ABCG8: variants seen among roughly 807,000 people sequenced by gnomAD.
ABCG8 encodes ATP-binding cassette sub-family G member 8.
In ABCG8, 81 loss-of-function variants were observed where a neutral mutation model predicts 71.3. The observed-to-expected ratio is 1.14, with a 90% CI of 0.95 to 1.37. The LOEUF (loss-of-function observed/expected upper bound fraction) is 1.37. Ranked by LOEUF, ABCG8 falls within the 40% of genes most tolerant of loss-of-function variation. ABCG8 has a pLI of 0.00. For synonymous variants in ABCG8, 451 were observed against 354.7 expected (o/e 1.27, Z -3.05); for missense variants, 1,119 against 866.2 (o/e 1.29, Z -3.66).
chr2:43,882,466 G>A lies in ABCG8; in HGVS notation c.*4553G>A, dbSNP rs1382906723. On this transcript the variant is annotated 3_prime_UTR_variant, in exon 13 of 13. Coordinates refer to ENST00000272286, the MANE Select transcript of ABCG8 (RefSeq NM_022437.3). ...GGAAGCGTGCAAGGAACTGGAATGC[G>A]GGGAAAGTGATGAAATATTTTGTTG... is the stretch of plus-strand genomic sequence containing the variant. 5.3e-5 allele frequency: 8 copies of A among 152,232 alleles called. No homozygotes were observed. The highest frequency in any genetic ancestry group is 2.1e-4 in the South Asian group (1 of 4,836). The allele number at this position is 152,232 out of a possible 1,614,324, so 9.4% of individuals were successfully genotyped here. A position where few individuals can be genotyped will look rare whatever the true frequency, so the allele number is the denominator to read the frequency against.
intron 6 of ABCG8, among the ~76,000 whole-genome samples, chr2:43,860,246 A>C (rs897543549): frequency 1.4e-5 from 2 of 148,048 alleles, no homozygotes; most frequent in Non-Finnish European, 3.0e-5. Flanking sequence ...AATTCTCATG[A>C]TCTGGATAGA....
rs774038687 is a variant in ABCG8, at chr2:43,873,911, A to C, written c.1336A>C (p.Met446Leu). ...CCATGGGAGCATCCAGCTCTCCTTC[A>C]TGGATACAGCCGCCCTCTTGTTCAT... ...FGHGSIQLSF[M>L]DTAALLFMIG... Residue 446 changes from methionine to leucine, a missense_variant, in exon 9 of 13, where the codon ATG becomes CTG. Transcript: ENST00000272286. The C allele has an allele frequency of 6.2e-7, 1 of 1,613,906 alleles. No individual in the cohort carries two copies. The highest frequency in any genetic ancestry group is 1.7e-5 in the Admixed American group (1 of 59,986).
At chr2:43,869,397 C>A (rs946452036) in intron 6 of ABCG8, among the ~76,000 whole-genome samples, 4 of 151,476 alleles carry the variant, frequency 2.6e-5, no homozygotes, top group South Asian at 4.2e-4. Context: ...CTGGATAGAA[C>A]TCTTACTGTC....
chr2:43,852,969 C>A, intron 6 of ABCG8, 101 bp downstream of exon 6: 1 of 1,362,012 alleles, frequency 7.3e-7, no homozygotes. Context: ...GAGAAACTCC[C>A]AGAGGTTTCA....
In ABCG8 at chr2:43,880,869, C is replaced by G. The variant is rs187012431; in HGVS notation, c.*2956C>G. 1 of 152,066 alleles carries G rather than the reference C, an allele frequency of 6.6e-6. No individual in the cohort carries two copies. Among genetic ancestry groups the G allele is most frequent in the Non-Finnish European group, 1.5e-5 (1 of 67,958 alleles). The allele number at this position is 152,066 out of a possible 1,614,324, so 9.4% of individuals were successfully genotyped here. The stretch of plus-strand genomic sequence containing the variant: ...GGTAAGTAATCTCCCATCTACACTG[C>G]CACGCCTTCTCCTGTATGGACGTCC... On this transcript the variant is annotated 3_prime_UTR_variant, in exon 13 of 13. Transcript: ENST00000272286.
rs778124555 is a variant in ABCG8 at position 43,844,456 on chromosome 2, A to G, written c.64-51A>G. On this transcript the variant is annotated intron_variant, in intron 1 of 12. Coordinates refer to ENST00000272286, the MANE Select transcript of ABCG8 (RefSeq NM_022437.3). Reference sequence around the variant, plus strand: ...GTTGGTTTCCTTCTTGTCTTCTCCTATGTTCTCAGCAGCTTCTAAAGGAGC... The same window carrying G: ...GTTGGTTTCCTTCTTGTCTTCTCCTGTGTTCTCAGCAGCTTCTAAAGGAGC... 32 of 1,462,974 alleles carry G rather than the reference A, an allele frequency of 2.2e-5. 1 individual carries two copies. The South Asian group carries it at 3.1e-4, about 14-fold the overall frequency. 90.6% of individuals were successfully genotyped at this position (1,462,974 alleles called of 1,614,324 possible).
intron 1 of ABCG8, among the ~76,000 whole-genome samples, chr2:43,843,496 A>G (rs1184826935): frequency 6.6e-6 from 1 of 152,050 alleles, no homozygotes; most frequent in African/African-American, 2.4e-5. Context: ...TGAGACCAAC[A>G]TGGTGAAACC....
chr2:43,878,092 C>A lies in ABCG8; in HGVS notation c.*179C>A. On this transcript the variant is annotated 3_prime_UTR_variant, in exon 13 of 13. Transcript: ENST00000272286. The stretch of plus-strand genomic sequence containing the variant: ...CCACAGGATGGCAGTAGAATAAAGA[C>A]AGTCGAAAGGGATTTCTGCTCACTG... The A allele has an allele frequency of 1.1e-6, 1 of 875,832 alleles. No homozygotes were observed. Among genetic ancestry groups the A allele is most frequent in the Non-Finnish European group, 1.8e-6 (1 of 556,372 alleles). The allele number at this position is 875,832 out of a possible 1,614,324, so 54.3% of individuals were successfully genotyped here.
At chr2:43,852,255 C>A in intron 4 of ABCG8, 99 bp from the exon 5 acceptor site, 1 of 1,562,334 alleles carries the variant, frequency 6.4e-7, no homozygotes, top group Non-Finnish European at 8.7e-7. Context: ...CACTTTCAAA[C>A]CCAGCCGGAG....
rs1313845575 is a variant in ABCG8, at chr2:43,874,443, A to G, written c.1448A>G (p.Glu483Gly). Residue 483 changes from glutamate (E) to glycine (G), a missense_variant, in exon 10 of 13, where the codon GAA becomes GGA. By Grantham distance (98) the Glu-to-Gly change is moderately conservative. Transcript: ENST00000272286. The stretch of plus-strand genomic sequence containing the variant: ...AGGGCAATGCTTTACTATGAACTGG[A>G]AGACGGGCTGTACACCACTGGTCCA... Reference protein sequence around the residue: ...SERAMLYYELEDGLYTTGPYF... With the variant: ...SERAMLYYELGDGLYTTGPYF... 2.5e-6 allele frequency: 4 copies of G among 1,613,958 alleles called. 1 individual carries two copies.
At chr2:43,843,475 G>T (rs1668643658) in intron 1 of ABCG8, among the ~76,000 whole-genome samples, 1 of 152,150 alleles carries the variant, frequency 6.6e-6, no homozygotes, top group Non-Finnish European at 1.5e-5. Context: ...GATCACTTGA[G>T]CCCAGGAGTT....
intron 6 of ABCG8, among the ~76,000 whole-genome samples, chr2:43,870,032 T>A (rs1669707320): frequency 6.6e-6 from 1 of 151,926 alleles, no homozygotes; most frequent in South Asian, 2.1e-4. Context: ...GAACTCTCAG[T>A]ATCTGGATAG....
At chr2:43,866,390 C>A (rs1450867657) in intron 6 of ABCG8, among the ~76,000 whole-genome samples, 1 of 151,980 alleles carries the variant, frequency 6.6e-6, no homozygotes, top group Non-Finnish European at 1.5e-5. Context: ...AAAGAAACTA[C>A]CATCAGAGTG....
rs778986557 is a variant in ABCG8 at position 43,877,939 on chromosome 2, T to C, written c.*26T>C. 2 of 1,614,046 alleles carry C rather than the reference T, an allele frequency of 1.2e-6. No individual in the cohort carries two copies. The highest frequency in any genetic ancestry group is 1.1e-5 in the South Asian group (1 of 91,070). ...TTCACGCCAGACGTCTGCCCGCTGG[T>C]GGGGGACCTGAGCAGACCCTTCAAC... On this transcript the variant is annotated 3_prime_UTR_variant, in exon 13 of 13. Transcript: ENST00000272286.
intron 6 of ABCG8, 102 bp from the exon 7 acceptor site, chr2:43,871,874 G>A: frequency 4.6e-6 from 7 of 1,530,566 alleles, no homozygotes; most frequent in South Asian, 1.1e-5. Flanking sequence ...AGAGCCCCAC[G>A]AGGGGTGATC....
Position 43,868,915 on chromosome 2 carries a change from C to A in ABCG8, c.965-3061C>A, listed in dbSNP as rs114075358. On this transcript the variant is annotated intron_variant, in intron 6 of 12. Coordinates refer to ENST00000272286, the MANE Select transcript of ABCG8 (RefSeq NM_022437.3). The stretch of plus-strand genomic sequence containing the variant: ...GCTCTCACAGTCTGGATAGAATTCT[C>A]ACTCTGTGGATAGAACTGTCACTAT... Among the ~76,000 whole-genome samples the A allele has an allele frequency of 6.8e-3, 1,042 of 152,146 alleles. 14 individuals are homozygous for A. The highest frequency in any genetic ancestry group is 0.024 in the African/African-American group (992 of 41,508).
intron 6 of ABCG8, among the ~76,000 whole-genome samples, chr2:43,862,987 A>G (rs1669382166): frequency 1.3e-5 from 2 of 151,470 alleles, no homozygotes. Flanking sequence ...CACTGTCTGT[A>G]TAGAACTCTC....
intron 1 of ABCG8, 89 bp from the exon 2 acceptor site, chr2:43,844,418 G>A: frequency 9.7e-7 from 1 of 1,035,394 alleles, no homozygotes; most frequent in East Asian, 2.5e-5. Context: ...GCTCTAAGAA[G>A]TTGCTCTCAC....
rs368762671 is a variant in ABCG8, at chr2:43,874,275, A to AT, written c.1412-129dup. ...AAATTAGGATGGCTTTACTGTGCCTATTTAAAAAAAAAAATTAGAGACTTG... is the reference window on the plus strand; with the variant it reads ...AAATTAGGATGGCTTTACTGTGCCTATTTTAAAAAAAAAAATTAGAGACTTG... On this transcript the variant is annotated intron_variant, in intron 9 of 12. Transcript: ENST00000272286. 4.3e-3 allele frequency: 3,908 copies of AT among 912,032 alleles called. 93 individuals are homozygous for AT. In the African/African-American group the frequency reaches 0.058, roughly 14 times the overall value. The allele number at this position is 912,032 out of a possible 1,614,324, so 56.5% of individuals were successfully genotyped here. A position where few individuals can be genotyped will look rare whatever the true frequency, so the allele number is the denominator to read the frequency against.
Sources: gnomAD v4.1 joint callset for allele counts (sites outside exome capture counted in the v4.1 genomes callset) on GRCh38, gnomAD v4.1.1 for gene constraint, MANE v1.5 for transcripts, NCBI Gene and HGNC (gene_info 2026-07-23, HGNC 2026-07-21) for gene names.